TNNI3K: variants seen among roughly 807,000 people sequenced by gnomAD.
TNNI3K encodes the protein TNNI3 interacting kinase, also known as serine/threonine-protein kinase TNNI3K.
TNNI3K carries 140 observed loss-of-function variants against 114.5 expected under a neutral mutation model. The ratio of observed to expected loss-of-function variants is 1.22; its 90% confidence interval spans 1.07 to 1.41. The LOEUF is 1.41. Among genes scored for constraint, TNNI3K ranks in the 40% most tolerant of loss-of-function variants. The pLI is 0.00. For missense variants in TNNI3K, 1,125 were observed against 1,007.6 expected (o/e 1.12, Z -1.58); for synonymous variants, 347 against 347.5 (o/e 1.00, Z 0.02).
chr1:74,416,344 A>G (rs1665114331), intron 17 of TNNI3K: 3 of 985,074 alleles, frequency 3.0e-6, no homozygotes, highest in African/African-American at 1.7e-5. Context: ...GGGCTACACT[A>G]ATGATGGAGA....
intron 23 of TNNI3K, among the ~76,000 whole-genome samples, chr1:74,524,763 A>G (rs1018361450): frequency 1.3e-5 from 2 of 151,912 alleles, no homozygotes; most frequent in African/African-American, 4.8e-5. Flanking sequence ...AAGTAAAAAA[A>G]AAAAATGAAA....
intron 20 of TNNI3K, among the ~76,000 whole-genome samples, chr1:74,452,675 A>G (rs1667076092): frequency 1.3e-5 from 2 of 152,204 alleles, no homozygotes; most frequent in Admixed American, 1.3e-4. Context: ...TGAACATAGC[A>G]CTTCTTTGAC....
At chr1:74,469,111 G>T (rs1291957919) in intron 21 of TNNI3K, 1 of 152,438 alleles carries the variant, frequency 6.6e-6, no homozygotes, top group Non-Finnish European at 1.5e-5. Context: ...TGGCAATAAA[G>T]CTCATTAAAA....
intron 4 of TNNI3K, among the ~76,000 whole-genome samples, chr1:74,267,356 G>A (rs1656057431): frequency 6.6e-6 from 1 of 151,898 alleles, no homozygotes; most frequent in Admixed American, 6.6e-5. Flanking sequence ...TACAGCAAAA[G>A]TATGTCCTCT....
intron 7 of TNNI3K, among the ~76,000 whole-genome samples, chr1:74,341,212 G>A (rs1035239145): frequency 1.3e-5 from 2 of 152,158 alleles, no homozygotes; most frequent in African/African-American, 4.8e-5. Flanking sequence ...CTTCAGGACT[G>A]TAATTATTGA....
chr1:74,409,764 G>A (rs1175297226), intron 17 of TNNI3K, among the ~76,000 whole-genome samples: 1 of 152,028 alleles, frequency 6.6e-6, no homozygotes, highest in Non-Finnish European at 1.5e-5. Flanking sequence ...AAAGTGCAGG[G>A]ATTACAGGCG....
chr1:74,332,327 G>A (rs1660245828), intron 6 of TNNI3K, among the ~76,000 whole-genome samples: 1 of 150,410 alleles, frequency 6.6e-6, no homozygotes, highest in Non-Finnish European at 1.5e-5. Flanking sequence ...GTGAGACGGA[G>A]TATTGCTCTG....
chr1:74,495,335 G>A (rs1389290614), intron 23 of TNNI3K, among the ~76,000 whole-genome samples: 1 of 152,148 alleles, frequency 6.6e-6, no homozygotes, highest in East Asian at 1.9e-4. Flanking sequence ...TTTAAAATGT[G>A]TCAAAATAGA....
intron 17 of TNNI3K, among the ~76,000 whole-genome samples, chr1:74,384,782 AT>A (rs2100555354): frequency 6.6e-6 from 1 of 152,230 alleles, no homozygotes; most frequent in South Asian, 2.1e-4. Context: ...TTAAATTTTT[AT>A]GTCTAAATTA....
At chr1:74,521,678 C>T (rs1646435530) in intron 23 of TNNI3K, among the ~76,000 whole-genome samples, 1 of 152,118 alleles carries the variant, frequency 6.6e-6, no homozygotes, top group African/African-American at 2.4e-5. Flanking sequence ...CAGCCCTAGT[C>T]GCTATTCTCG....
intron 23 of TNNI3K, among the ~76,000 whole-genome samples, chr1:74,508,111 G>A (rs1669998938): frequency 6.6e-6 from 1 of 152,224 alleles, no homozygotes; most frequent in Non-Finnish European, 1.5e-5. Flanking sequence ...AAAAAGGAGA[G>A]GCAGGCATGT....
intron 9 of TNNI3K, among the ~76,000 whole-genome samples, chr1:74,350,390 A>C (rs1049854620): frequency 5.9e-5 from 9 of 152,130 alleles, no homozygotes; most frequent in Non-Finnish European, 1.2e-4. Flanking sequence ...ACTTCCAACT[A>C]TGTGGTTGAT....
intron 23 of TNNI3K, among the ~76,000 whole-genome samples, chr1:74,532,858 C>A (rs546719518): frequency 1.2e-3 from 179 of 152,198 alleles, no homozygotes; most frequent in African/African-American, 4.0e-3. Context: ...AACTGGCTAG[C>A]CATATGTAGA....
chr1:74,488,518 A>G (rs762821396), intron 21 of TNNI3K, among the ~76,000 whole-genome samples: 1 of 152,252 alleles, frequency 6.6e-6, no homozygotes, highest in Non-Finnish European at 1.5e-5. Flanking sequence ...ATTTTCTCAG[A>G]AGAGGCCAAC....
In TNNI3K at chr1:74,331,472, A is replaced by G. The variant is rs760070968; in HGVS notation, c.467A>G (p.His156Arg). Residue 156 changes from histidine to arginine, a missense_variant, in exon 6 of 25, where the codon CAT (histidine) becomes CGT (arginine). His to Arg is a conservative substitution (Grantham distance 29). Coordinates refer to ENST00000326637, the MANE Select transcript of TNNI3K (RefSeq NM_015978.3). ...CAGGCTGCTGATGTGCTGTTGCAAC[A>G]TGGAGCTAATGTCAATATTCAAGAT... ...HLEAADVLLQ[H>R]GANVNIQDAV... 11 of 1,613,530 alleles carry G rather than the reference A, an allele frequency of 6.8e-6. No individual in the cohort carries two copies. In the Admixed American group the frequency reaches 1.3e-4, roughly 20 times the overall value.
At chr1:74,543,836 C>G (rs1646756608) in intron 24 of TNNI3K, 70 bp from the exon 25 acceptor site, 2 of 1,584,928 alleles carry the variant, frequency 1.3e-6, no homozygotes, top group Admixed American at 3.4e-5. Flanking sequence ...CTGGTTCAGG[C>G]TGGTTATAAA....
intron 5 of TNNI3K, among the ~76,000 whole-genome samples, chr1:74,327,943 CAG>C (rs903136636): frequency 6.6e-6 from 1 of 151,040 alleles, no homozygotes; most frequent in African/African-American, 2.4e-5. Flanking sequence ...TTCAAAATAA[CAG>C]AATATATACC....
intron 17 of TNNI3K, chr1:74,374,729 A>C (rs1327915657): frequency 6.6e-6 from 1 of 151,922 alleles, no homozygotes; most frequent in Non-Finnish European, 1.5e-5. Flanking sequence ...ATAGTGTTTA[A>C]ATATTTTGAA....
chr1:74,250,669 A>G lies in TNNI3K; in HGVS notation c.236-3A>G, dbSNP rs760637494. The G allele has an allele frequency of 8.7e-6, 14 of 1,606,492 alleles. No individual in the cohort carries two copies. The highest frequency in any genetic ancestry group is 1.0e-5 in the Non-Finnish European group (12 of 1,177,896). ...TTAGCCTTTTTTCATTTTTCTCTTT[A>G]AGGCAAGAAATCACATATTCGAACT... On this transcript the variant is annotated splice_region_variant and splice_polypyrimidine_tract_variant and intron_variant, in intron 3 of 24. Coordinates refer to ENST00000326637, the MANE Select transcript of TNNI3K (RefSeq NM_015978.3).
Sources: allele counts gnomAD v4.1 joint callset (sites outside exome capture counted in the v4.1 genomes callset), GRCh38; gene constraint gnomAD v4.1.1; transcripts MANE v1.5; gene names NCBI Gene and HGNC (gene_info 2026-07-23, HGNC 2026-07-21).